Variants in FMN1 observed in about 807,000 individuals in gnomAD.
FMN1 encodes the protein formin-1.
Under a neutral mutation model 132.4 loss-of-function variants are expected in FMN1, and 110 were observed. The ratio of observed to expected loss-of-function variants is 0.83; its 90% CI spans 0.71 to 0.97. The LOEUF (loss-of-function observed/expected upper bound fraction) is 0.97. FMN1 is among the 50% of genes least tolerant of loss of function. The pLI is 0.00. For missense variants in FMN1, 1,792 were observed against 1,705.3 expected (o/e 1.05, Z -0.90); for synonymous variants, 722 against 651.7 (o/e 1.11, Z -1.64).
At chr15:33,085,209 A>T (rs1194447204) in intron 5 of FMN1, among the ~76,000 whole-genome samples, 1 of 152,220 alleles carries the variant, frequency 6.6e-6, no homozygotes, top group African/African-American at 2.4e-5. Context: ...CCATCACCCA[A>T]GCAGTATACA....
rs1555464736 is a variant in FMN1, at chr15:32,823,168, T to TTTTG, written c.3929-18837_3929-18836insCAAA. On this transcript the variant is annotated intron_variant, in intron 17 of 20. Transcript: ENST00000616417. Reference sequence around the variant, plus strand: ...GTTTCTACTGTTTTTTTTTTTTTTTTTTTTTTTTTTTGAGACAGAGTCTTG... The same window carrying TTTTG: ...GTTTCTACTGTTTTTTTTTTTTTTTTTTTGTTTTTTTTTTTGAGACAGAGTCTTG... 2.5e-3 allele frequency among the ~76,000 whole-genome samples: 249 copies of TTTTG among 99,180 alleles called. 3 individuals carry two copies. Among genetic ancestry groups the TTTTG allele is most frequent in the Middle Eastern group, 0.011 (2 of 190 alleles). The allele number at this position is 99,180 out of a possible 152,430, so 65.1% of individuals were successfully genotyped here.
chr15:32,936,867 C>T (rs1596309201), intron 9 of FMN1, among the ~76,000 whole-genome samples: 2 of 152,266 alleles, frequency 1.3e-5, no homozygotes, highest in Admixed American at 1.3e-4. Context: ...CCCTGCAGTC[C>T]ATGTGGGAGA....
chr15:32,774,329 G>T lies in FMN1; in HGVS notation c.4241C>A (p.Ala1414Asp). 6.2e-7 allele frequency: 1 copy of T among 1,602,802 alleles called. No individual in the cohort carries two copies. Among genetic ancestry groups the T allele is most frequent in the African/African-American group, 1.3e-5 (1 of 74,776 alleles). ...TTCATCTTAGTTAGTGGTCACACTG[G>T]CTTCCTTCTGACGCAGTCTTTCTTT... ...SLKERLRQKEASVTTN is the reference protein window; with the variant it reads ...SLKERLRQKEDSVTTN The change falls in exon 21 of 21, where the codon GCC (alanine) becomes GAC (aspartate). Residue 1414 changes from alanine (A) to aspartate (D), a missense_variant. This residue lies in a region of FMN1 where 1,150 missense variants were observed against 1,043.1 expected (regional missense o/e 1.10). Transcript: ENST00000616417.
At chr15:32,893,173 T>C (rs2060073539) in intron 15 of FMN1, among the ~76,000 whole-genome samples, 1 of 152,242 alleles carries the variant, frequency 6.6e-6, no homozygotes, top group Non-Finnish European at 1.5e-5. Context: ...AGACACAATG[T>C]ACTTTTTTCC....
chr15:32,873,045 G>T (rs557731907), intron 16 of FMN1, among the ~76,000 whole-genome samples: 1 of 152,302 alleles, frequency 6.6e-6, no homozygotes, highest in Admixed American at 6.5e-5. Flanking sequence ...CATGGAGCTG[G>T]CAGCCACTGC....
At chr15:33,016,158 T>C (rs72719369) in intron 6 of FMN1, among the ~76,000 whole-genome samples, 13,897 of 152,242 alleles carry the variant, frequency 0.091, 824 homozygotes, top group Non-Finnish European at 0.13. Flanking sequence ...TATAAATATG[T>C]ATCAAATTTC....
chr15:32,871,990 G>A (rs2059526517), intron 16 of FMN1, among the ~76,000 whole-genome samples: 1 of 151,364 alleles, frequency 6.6e-6, no homozygotes, highest in Non-Finnish European at 1.5e-5. Context: ...AGAAATTGGG[G>A]ATTAATCACA....
intron 7 of FMN1, among the ~76,000 whole-genome samples, chr15:33,004,767 A>T (rs1399850612): frequency 6.6e-6 from 1 of 152,232 alleles, no homozygotes; most frequent in East Asian, 1.9e-4. Flanking sequence ...TATTCACAAT[A>T]GCAAAAACTT....
intron 4 of FMN1, among the ~76,000 whole-genome samples, chr15:33,111,316 C>T (rs1267043850): frequency 6.6e-6 from 1 of 152,126 alleles, no homozygotes; most frequent in Non-Finnish European, 1.5e-5. Context: ...ATTAAAAAGG[C>T]AGATAACAAC....
chr15:32,848,989 T>TTTTTTG (rs2058934285), intron 17 of FMN1, among the ~76,000 whole-genome samples: 1 of 138,812 alleles, frequency 7.2e-6, no homozygotes, highest in East Asian at 2.1e-4. Context: ...TTTTTTTTTT[T>TTTTTTG]TTTTTTTTTT....
chr15:33,010,283 A>C (rs1264659540), intron 6 of FMN1, among the ~76,000 whole-genome samples: 1 of 152,132 alleles, frequency 6.6e-6, no homozygotes, highest in Non-Finnish European at 1.5e-5. Flanking sequence ...ACAGATCAGA[A>C]TAGTAGTTGC....
chr15:32,993,598 C>A (rs976986812), intron 7 of FMN1, among the ~76,000 whole-genome samples: 2 of 152,148 alleles, frequency 1.3e-5, no homozygotes, highest in Non-Finnish European at 2.9e-5. Flanking sequence ...GTGTTGTCAG[C>A]ACCTTCTTCC....
At chr15:32,953,659 C>G (rs919819540) in intron 9 of FMN1, among the ~76,000 whole-genome samples, 2 of 152,178 alleles carry the variant, frequency 1.3e-5, no homozygotes, top group Non-Finnish European at 2.9e-5. Flanking sequence ...CTGGTGTAAC[C>G]TGAGCTCCAG....
At position 32,903,037 on chromosome 15, in the gene FMN1, T is replaced by C. The variant is rs139304071; in HGVS notation, c.3378-997A>G. Among the ~76,000 whole-genome samples the C allele has an allele frequency of 6.5e-3, 995 of 152,366 alleles. 5 individuals are homozygous for C. Among genetic ancestry groups the C allele is most frequent in the Non-Finnish European group, 0.011 (737 of 68,028 alleles). On this transcript the variant is annotated intron_variant, in intron 12 of 20. Coordinates refer to ENST00000616417, the MANE Select transcript of FMN1 (RefSeq NM_001277313.2). ...TAGGAACAAAGCTGAAGCCTACTTC[T>C]TTCTATACCGAAAGATATTTTCTTT...
At chr15:32,845,900 T>C (rs900633252) in intron 17 of FMN1, among the ~76,000 whole-genome samples, 35 of 152,140 alleles carry the variant, frequency 2.3e-4, no homozygotes, top group African/African-American at 7.7e-4. Context: ...GTATGTTATC[T>C]AATTTCATCT....
At chr15:32,912,286 G>GC (rs2060580524) in intron 10 of FMN1, among the ~76,000 whole-genome samples, 1 of 152,106 alleles carries the variant, frequency 6.6e-6, no homozygotes, top group Non-Finnish European at 1.5e-5. Flanking sequence ...TGTCAGCTGT[G>GC]CCCCTTCCAG....
In FMN1 at chr15:33,180,226, C is replaced by T. The variant is rs917705298; in HGVS notation, c.-160G>A. ...GATCAGCCTTCGCTTGGGCAGGGTC[C>T]AGATGCGGAGATGTGAAAAACGTGA... On this transcript the variant is annotated 5_prime_UTR_variant, in exon 3 of 21. Transcript: ENST00000616417. 6.7e-6 allele frequency: 1 copy of T among 149,212 alleles called. No homozygotes were observed. The highest frequency in any genetic ancestry group is 1.5e-5 in the Non-Finnish European group (1 of 67,798). The allele number at this position is 149,212 out of a possible 1,614,324, so 9.2% of individuals were successfully genotyped here.
At chr15:32,831,577 T>C (rs973084417) in intron 17 of FMN1, among the ~76,000 whole-genome samples, 1 of 151,424 alleles carries the variant, frequency 6.6e-6, no homozygotes, top group Non-Finnish European at 1.5e-5. Flanking sequence ...GGTGGGGAGG[T>C]TGGTATTGCA....
chr15:33,185,571 T>TC (rs1965854752), intron 2 of FMN1, among the ~76,000 whole-genome samples: 1 of 136,850 alleles, frequency 7.3e-6, no homozygotes, highest in East Asian at 2.0e-4. Context: ...AGTAAGAATT[T>TC]TTTTTTTTTT....
Sources: allele counts gnomAD v4.1 joint callset (sites outside exome capture counted in the v4.1 genomes callset), GRCh38; gene constraint gnomAD v4.1.1; regional missense constraint gnomAD v4.1.1; transcripts MANE v1.5; gene names NCBI Gene and HGNC (gene_info 2026-07-23, HGNC 2026-07-21).